Variants in PGAP4 observed in about 807,000 individuals in gnomAD.
PGAP4 encodes GPI-N-acetylgalactosamine transferase PGAP4.
Under a neutral mutation model 28.2 loss-of-function variants are expected in PGAP4, and 12 were observed. The ratio of observed to expected loss-of-function variants is 0.42; its 90% CI spans 0.27 to 0.69. The LOEUF (loss-of-function observed/expected upper bound fraction) is 0.69, where lower values mean the gene tolerates loss of function less well. Among genes scored for constraint, PGAP4 ranks in the 30% least tolerant of loss-of-function variants. PGAP4 has a pLI of 0.22. For synonymous variants in PGAP4, 205 were observed against 211.8 expected, an observed-to-expected ratio of 0.97 and a Z score of 0.28; for missense variants, 425 against 513.5, an observed-to-expected ratio of 0.83 and a Z score of 1.67.
At chr9:101,502,845 C>T (rs1183948425) in intron 2 of PGAP4, among the ~76,000 whole-genome samples, 1 of 152,056 alleles carries the variant, frequency 6.6e-6, no homozygotes, top group African/African-American at 2.4e-5. Context: ...TGCCACTTCT[C>T]ATAATCATAA....
chr9:101,504,487 T>G (rs1826833032), intron 2 of PGAP4, among the ~76,000 whole-genome samples: 1 of 152,024 alleles, frequency 6.6e-6, no homozygotes, highest in Admixed American at 6.6e-5. Context: ...TAAAGTCTAC[T>G]GTCTTCCTCA....
chr9:101,486,049 C>T lies in PGAP4; in HGVS notation c.-78+900G>A, dbSNP rs1356735061. ...CCGCCCTGCGGTCCCCCGGAGAGAG[C>T]CTGGGCCGAGCAGAGGATGCGGGTC... On this transcript the variant is annotated intron_variant, in intron 1 of 1. Coordinates refer to ENST00000374848, the MANE Select transcript of PGAP4 (RefSeq NM_032342.3). This position sits in a 1 kb window ranked among gnomAD's most constrained non-coding sequence, Gnocchi z 4.7. Among the ~76,000 whole-genome samples the T allele has an allele frequency of 6.6e-6, 1 of 152,194 alleles. No individual in the cohort carries two copies. The highest frequency in any genetic ancestry group is 2.4e-5 in the African/African-American group (1 of 41,464).
At chr9:101,512,860 G>A (rs1054036364) in intron 2 of PGAP4, among the ~76,000 whole-genome samples, 13 of 152,024 alleles carry the variant, frequency 8.6e-5, no homozygotes, top group African/African-American at 3.1e-4. Flanking sequence ...GCATCTCAGT[G>A]GATTTTCCAC....
At chr9:101,500,215 C>A (rs1244022542) in intron 2 of PGAP4, among the ~76,000 whole-genome samples, 1 of 152,032 alleles carries the variant, frequency 6.6e-6, no homozygotes, top group Non-Finnish European at 1.5e-5. Flanking sequence ...AATTTATTAT[C>A]TTAGAAGTCT....
intron 2 of PGAP4, among the ~76,000 whole-genome samples, chr9:101,502,420 A>G (rs886854956): frequency 1.3e-5 from 2 of 152,046 alleles, no homozygotes; most frequent in African/African-American, 2.4e-5. Flanking sequence ...TGCAGTTAAA[A>G]CTAAAGCTAT....
chr9:101,520,266 G>A (rs1383421929), intron 2 of PGAP4, among the ~76,000 whole-genome samples: 1 of 152,086 alleles, frequency 6.6e-6, no homozygotes, highest in Non-Finnish European at 1.5e-5. Context: ...GTGTTATTTT[G>A]ATAAGGATTG....
chr9:101,523,633 T>A (rs1827007931), intron 2 of PGAP4, among the ~76,000 whole-genome samples: 2 of 97,688 alleles, frequency 2.0e-5, no homozygotes, highest in African/African-American at 4.3e-5. Flanking sequence ...TTTTTTTTTT[T>A]TTTTTTTTTT....
At chr9:101,521,478 G>A (rs576349670) in intron 2 of PGAP4, among the ~76,000 whole-genome samples, 5 of 152,112 alleles carry the variant, frequency 3.3e-5, no homozygotes, top group Admixed American at 6.5e-5. Flanking sequence ...ATCTTTTCTA[G>A]GTTTTCCAGT....
chr9:101,488,210 G>T (rs542668433), upstream of PGAP4, among the ~76,000 whole-genome samples: 13 of 152,294 alleles, frequency 8.5e-5, no homozygotes, highest in African/African-American at 3.1e-4. Flanking sequence ...TAAGAATGAG[G>T]TGTGGATCCT....
chr9:101,515,797 C>T (rs1335821119), intron 2 of PGAP4, among the ~76,000 whole-genome samples: 2 of 151,954 alleles, frequency 1.3e-5, no homozygotes, highest in Admixed American at 6.6e-5. Context: ...ATGATATTTT[C>T]ATATCTTTGA....
upstream of PGAP4, among the ~76,000 whole-genome samples, chr9:101,490,945 C>T (rs150378135): frequency 6.6e-4 from 101 of 152,284 alleles, 1 homozygote; most frequent in African/African-American, 2.3e-3. Context: ...GTTTAAGGAA[C>T]GTGCTGCATT....
chr9:101,505,701 T>G (rs777847596), intron 2 of PGAP4, among the ~76,000 whole-genome samples: 1 of 152,086 alleles, frequency 6.6e-6, no homozygotes, highest in South Asian at 2.1e-4. Flanking sequence ...CCTAGGGCTA[T>G]AGTTAAAGAA....
chr9:101,531,813 C>T (rs557337190), intron 1 of PGAP4, among the ~76,000 whole-genome samples: 3 of 152,308 alleles, frequency 2.0e-5, no homozygotes, highest in African/African-American at 7.2e-5. Flanking sequence ...ATAATGTCCA[C>T]CAGACACTTA....
intron 2 of PGAP4, among the ~76,000 whole-genome samples, chr9:101,502,671 C>T (rs1826814104): frequency 6.6e-6 from 1 of 151,988 alleles, no homozygotes; most frequent in African/African-American, 2.4e-5. Context: ...TCCTTCCATC[C>T]CCAGATAACT....
Position 101,476,878 on chromosome 9 carries a change from T to G in PGAP4, c.215A>C (p.Glu72Ala). The G allele has an allele frequency of 6.2e-7, 1 of 1,612,578 alleles. No homozygotes were observed. Among genetic ancestry groups the G allele is most frequent in the Non-Finnish European group, 8.5e-7 (1 of 1,179,200 alleles). Residue 72 changes from glutamate to alanine, a missense_variant, in exon 2 of 2, where the codon GAG (glutamate) becomes GCG (alanine). By Grantham distance (107) the Glu-to-Ala change is moderately radical. Transcript: ENST00000374848. The surrounding 1 kb of genome is among the most constrained non-coding windows in gnomAD (Gnocchi z 7.0). ...AAAATAGTGGAGGGCAGCCTCACCC[T>G]CTTTCAAGCTTTGCTGCAGGAACTC... Reference protein sequence around the residue: ...SQEFLQQSLKEGEAALHYFEE... With the variant: ...SQEFLQQSLKAGEAALHYFEE...
intron 2 of PGAP4, among the ~76,000 whole-genome samples, chr9:101,503,507 A>G (rs1276274669): frequency 6.6e-6 from 1 of 152,064 alleles, no homozygotes; most frequent in Non-Finnish European, 1.5e-5. Flanking sequence ...AGTTTCAAGG[A>G]TGTTTATTAT....
chr9:101,523,473 C>A (rs1162563955), intron 2 of PGAP4, among the ~76,000 whole-genome samples: 1 of 150,752 alleles, frequency 6.6e-6, no homozygotes, highest in Non-Finnish European at 1.5e-5. Context: ...GAGTTTCTTT[C>A]TTCTACTTGG....
chr9:101,493,735 G>C (rs904333754), intron 2 of PGAP4, among the ~76,000 whole-genome samples: 1 of 152,084 alleles, frequency 6.6e-6, no homozygotes, highest in African/African-American at 2.4e-5. Flanking sequence ...AATGTCTCTG[G>C]TCATGACGTT....
chr9:101,495,552 G>C (rs761775625), intron 2 of PGAP4, among the ~76,000 whole-genome samples: 1 of 145,406 alleles, frequency 6.9e-6, no homozygotes, highest in Non-Finnish European at 1.5e-5. Context: ...TTAGGATTTT[G>C]AACCTAGGGA....
Sources: allele counts gnomAD v4.1 joint callset (sites outside exome capture counted in the v4.1 genomes callset), GRCh38; gene constraint gnomAD v4.1.1; non-coding constraint Gnocchi (gnomAD v3.1); transcripts MANE v1.5; gene names NCBI Gene and HGNC (gene_info 2026-07-23, HGNC 2026-07-21).